The following CDH12 variants were observed in gnomAD, a reference collection of about 807,000 sequenced individuals.
CDH12 encodes the protein cadherin 12, also known as cadherin-12.
In CDH12, 41 loss-of-function variants were observed where a neutral mutation model predicts 74.1. The ratio of observed to expected loss-of-function variants is 0.55; its 90% CI spans 0.43 to 0.72. The LOEUF is 0.72. Ranked by LOEUF, CDH12 falls within the 30% of genes least tolerant of loss-of-function variation. The pLI is 0.00. For synonymous variants in CDH12, 399 were observed against 355.0 expected, an observed-to-expected ratio of 1.12 and a Z score of -1.39; for missense variants, 945 against 977.2, an observed-to-expected ratio of 0.97 and a Z score of 0.44.
At position 21,962,234 on chromosome 5, in the gene CDH12, G is replaced by A. The variant is rs1290662200; in HGVS notation, c.526+12857C>T. On this transcript the variant is annotated intron_variant, in intron 6 of 14. Coordinates refer to ENST00000382254, the MANE Select transcript of CDH12 (RefSeq NM_004061.5). ...GACTTCATTTGTGTATAGGTTTGAT[G>A]GCTTGATATCCCATGTCATTCAATC... 5.3e-5 allele frequency among the ~76,000 whole-genome samples: 8 copies of A among 151,880 alleles called. No individual in the cohort carries two copies. The East Asian group carries it at 1.6e-3, about 29-fold the overall frequency.
chr5:22,385,199 AT>A (rs1741948026), intron 3 of CDH12, among the ~76,000 whole-genome samples: 1 of 152,190 alleles, frequency 6.6e-6, no homozygotes, highest in African/African-American at 2.4e-5. Context: ...AGTAAGAAAA[AT>A]ATATAGATAT....
At chr5:21,914,179 G>A in intron 6 of CDH12, among the ~76,000 whole-genome samples, 1 of 152,130 alleles carries the variant, frequency 6.6e-6, no homozygotes, top group East Asian at 1.9e-4. Flanking sequence ...AGGGGCTTTT[G>A]ACGTGAAAAA....
At chr5:22,601,939 T>C (rs754061764) in intron 1 of CDH12, among the ~76,000 whole-genome samples, 6 of 152,034 alleles carry the variant, frequency 3.9e-5, no homozygotes, top group African/African-American at 1.4e-4. Context: ...CATACAACAA[T>C]TGGATAATCA....
intron 7 of CDH12, among the ~76,000 whole-genome samples, chr5:21,854,124 A>AT (rs1467605794): frequency 6.6e-6 from 1 of 151,804 alleles, no homozygotes; most frequent in African/African-American, 2.4e-5. Flanking sequence ...GAAAACTGCT[A>AT]TTTTTCAATT....
intron 6 of CDH12, among the ~76,000 whole-genome samples, chr5:21,877,218 AAAG>A (rs767542212): frequency 5.3e-5 from 8 of 152,080 alleles, no homozygotes; most frequent in Middle Eastern, 3.4e-3. Flanking sequence ...AGAAAAAAAA[AAAG>A]AAGAAGAGGT....
chr5:22,391,657 T>C (rs549437329), intron 3 of CDH12, among the ~76,000 whole-genome samples: 1 of 152,152 alleles, frequency 6.6e-6, no homozygotes, highest in Non-Finnish European at 1.5e-5. Flanking sequence ...TAACTGATTT[T>C]TTTTTATGAC....
chr5:22,750,133 T>C (rs1441495347), intron 1 of CDH12, among the ~76,000 whole-genome samples: 1 of 152,110 alleles, frequency 6.6e-6, no homozygotes, highest in Non-Finnish European at 1.5e-5. Context: ...TTGATTTATG[T>C]TGAGGAAGTA....
At chr5:22,190,354 G>A (rs1165520398) in intron 4 of CDH12, among the ~76,000 whole-genome samples, 1 of 149,188 alleles carries the variant, frequency 6.7e-6, no homozygotes, top group Non-Finnish European at 1.5e-5. Context: ...CCATCTGTCT[G>A]TCTGTCTATC....
intron 3 of CDH12, among the ~76,000 whole-genome samples, chr5:22,273,805 C>T (rs749261363): frequency 2.0e-5 from 3 of 152,066 alleles, no homozygotes; most frequent in Admixed American, 6.6e-5. Flanking sequence ...TTCCTTATTG[C>T]GCCTACTCAT....
intron 8 of CDH12, among the ~76,000 whole-genome samples, chr5:21,835,495 G>T (rs968787914): frequency 1.3e-5 from 2 of 151,710 alleles, no homozygotes; most frequent in Admixed American, 1.3e-4. Context: ...GTGTAAAGGT[G>T]TGTTTTTATA....
intron 1 of CDH12, among the ~76,000 whole-genome samples, chr5:22,685,582 C>A (rs1459797631): frequency 2.0e-5 from 3 of 152,180 alleles, no homozygotes; most frequent in African/African-American, 7.2e-5. Context: ...CAGTACTGAG[C>A]AACCATTAAT....
intron 1 of CDH12, among the ~76,000 whole-genome samples, chr5:22,698,455 A>G (rs964618760): frequency 2.0e-5 from 3 of 151,172 alleles, no homozygotes; most frequent in Admixed American, 2.0e-4. Flanking sequence ...ACAAAGCTCT[A>G]CTGATTTATA....
intron 3 of CDH12, among the ~76,000 whole-genome samples, chr5:22,401,780 G>A (rs977469038): frequency 3.3e-5 from 5 of 152,106 alleles, no homozygotes; most frequent in African/African-American, 4.8e-5. Flanking sequence ...ACTAGGTTGG[G>A]CCTAACATCC....
intron 3 of CDH12, among the ~76,000 whole-genome samples, chr5:22,304,543 G>C (rs945430370): frequency 2.0e-5 from 3 of 152,152 alleles, no homozygotes; most frequent in South Asian, 4.1e-4. Flanking sequence ...AGCAAAGTCC[G>C]ATGATGGCAT....
chr5:22,039,978 G>T lies in CDH12; in HGVS notation c.231+38468C>A, dbSNP rs535170227. 4.0e-5 allele frequency among the ~76,000 whole-genome samples: 6 copies of T among 150,694 alleles called. No individual in the cohort carries two copies. In the South Asian group the frequency reaches 1.1e-3, roughly 27 times the overall value. On this transcript the variant is annotated intron_variant, in intron 5 of 14. Transcript: ENST00000382254. ...TCCAGTAATAGGCCAGTAATAGGCC[G>T]CAAAGAAAAGGAAATTATGACTTAA...
chr5:22,249,887 C>G (rs1181397480), intron 3 of CDH12, among the ~76,000 whole-genome samples: 3 of 151,738 alleles, frequency 2.0e-5, no homozygotes, highest in East Asian at 1.9e-4. Context: ...TTGTGTTAAT[C>G]AAACATGTGT....
intron 2 of CDH12, among the ~76,000 whole-genome samples, chr5:22,447,441 A>C (rs746057886): frequency 3.9e-5 from 6 of 152,094 alleles, no homozygotes; most frequent in Admixed American, 6.6e-5. Flanking sequence ...ATGCATTGCT[A>C]ATGTCATCTC....
At chr5:22,449,562 T>G (rs1744963117) in intron 2 of CDH12, among the ~76,000 whole-genome samples, 1 of 152,094 alleles carries the variant, frequency 6.6e-6, no homozygotes, top group Non-Finnish European at 1.5e-5. Flanking sequence ...CCAACGCTAC[T>G]TTCAACTCTG....
intron 2 of CDH12, among the ~76,000 whole-genome samples, chr5:22,415,636 C>T (rs1275800547): frequency 6.6e-6 from 1 of 152,198 alleles, no homozygotes; most frequent in Non-Finnish European, 1.5e-5. Context: ...AACAGGGCTG[C>T]CCTGCTGAGA....
Sources: allele counts gnomAD v4.1 joint callset (sites outside exome capture counted in the v4.1 genomes callset), GRCh38; gene constraint gnomAD v4.1.1; transcripts MANE v1.5; gene names NCBI Gene and HGNC (gene_info 2026-07-23, HGNC 2026-07-21).